Variants in FAM169A observed in about 807,000 individuals in gnomAD.
The protein encoded by FAM169A is family with sequence similarity 169 member A, also known as soluble lamin-associated protein of 75 kDa.
FAM169A carries 24 observed loss-of-function variants against 75.7 expected under a neutral mutation model. That is an observed-to-expected ratio of 0.32 (90% CI 0.23 to 0.45). The LOEUF (loss-of-function observed/expected upper bound fraction) is 0.45. FAM169A is among the 20% of genes least tolerant of loss of function. FAM169A has a pLI of 1.00. For missense variants in FAM169A, 673 were observed against 784.0 expected (o/e 0.86, Z 1.69); for synonymous variants, 271 against 271.0 (o/e 1.00, Z 0.00).
At position 74,795,127 on chromosome 5, in the gene FAM169A, G is replaced by A. The variant is rs562404079; in HGVS notation, c.1260+903C>T. On this transcript the variant is annotated intron_variant, in intron 11 of 12. Transcript: ENST00000687041. ...ACAAAAATTAGCTGGGTATGGTGGG[G>A]GGAACCTGTAATCCCAGCTACTTGG... 9.1e-4 allele frequency among the ~76,000 whole-genome samples: 139 copies of A among 152,048 alleles called. 2 individuals carry two copies. The highest frequency in any genetic ancestry group is 3.2e-3 in the African/African-American group (134 of 41,484).
intron 1 of FAM169A, among the ~76,000 whole-genome samples, chr5:74,858,460 A>G (rs1749839264): frequency 6.6e-6 from 1 of 152,208 alleles, no homozygotes; most frequent in South Asian, 2.1e-4. Flanking sequence ...GGAGGCTATT[A>G]TCCTAAAGGA....
chr5:74,807,566 TG>T (rs1182440770), intron 6 of FAM169A, among the ~76,000 whole-genome samples: 1 of 152,240 alleles, frequency 6.6e-6, no homozygotes, highest in Non-Finnish European at 1.5e-5. Context: ...AAGGGCCATT[TG>T]TACATATGCA....
intron 5 of FAM169A, among the ~76,000 whole-genome samples, chr5:74,822,029 T>C (rs888879689): frequency 3.3e-5 from 5 of 152,176 alleles, no homozygotes; most frequent in African/African-American, 7.2e-5. Context: ...TCTTACATGG[T>C]GACTAGCTTC....
intron 1 of FAM169A, chr5:74,865,330 G>A (rs1317684543): frequency 6.6e-6 from 1 of 152,154 alleles, no homozygotes; most frequent in Non-Finnish European, 1.5e-5. Flanking sequence ...CCGTACACAC[G>A]TTTTAATTTA....
chr5:74,829,279 A>G (rs1332007696), intron 5 of FAM169A, among the ~76,000 whole-genome samples: 1 of 152,102 alleles, frequency 6.6e-6, no homozygotes, highest in East Asian at 1.9e-4. Flanking sequence ...AACCATGAAC[A>G]TTTTCTATTA....
intron 7 of FAM169A, 97 bp from the exon 8 acceptor site, chr5:74,804,702 T>C: frequency 1.6e-6 from 1 of 627,838 alleles, no homozygotes; most frequent in South Asian, 2.6e-5. Context: ...AAGAGCAGCC[T>C]GGACAGAAGG....
intron 6 of FAM169A, among the ~76,000 whole-genome samples, chr5:74,805,944 T>C (rs1746854328): frequency 7.2e-6 from 1 of 139,414 alleles, no homozygotes; most frequent in Admixed American, 7.4e-5. Context: ...ATATTCAGTA[T>C]GTACAACTAT....
Position 74,834,558 on chromosome 5 carries a change from T to G in FAM169A, c.358A>C (p.Asn120His). The stretch of plus-strand genomic sequence containing the variant: ...TCCTGTTTTCTATAAATAATTCGAT[T>G]CAGAACATACAGAACCACTCTCTCC... ...LGERVVLYVL[N>H]RIIYRKQEME... Residue 120 changes from asparagine (N) to histidine (H), a missense_variant, in exon 5 of 13, where the codon AAT (asparagine) becomes CAT (histidine). Transcript: ENST00000687041. The G allele has an allele frequency of 6.2e-7, 1 of 1,601,176 alleles. No individual in the cohort carries two copies. Among genetic ancestry groups the G allele is most frequent in the Non-Finnish European group, 8.5e-7 (1 of 1,174,888 alleles).
intron 4 of FAM169A, among the ~76,000 whole-genome samples, chr5:74,835,788 C>T (rs1353722318): frequency 6.6e-6 from 1 of 152,130 alleles, no homozygotes; most frequent in Non-Finnish European, 1.5e-5. Context: ...AGCCGACTAG[C>T]AATAGCTTCC....
At chr5:74,858,156 G>C (rs979590783) in intron 1 of FAM169A, among the ~76,000 whole-genome samples, 33 of 151,656 alleles carry the variant, frequency 2.2e-4, no homozygotes, top group Non-Finnish European at 4.0e-4. Flanking sequence ...GGGAGGCCAA[G>C]GCAGGCAGGT....
At chr5:74,844,150 T>C (rs1749026248) in intron 1 of FAM169A, among the ~76,000 whole-genome samples, 3 of 152,194 alleles carry the variant, frequency 2.0e-5, no homozygotes, top group Non-Finnish European at 4.4e-5. Flanking sequence ...CCGGATTTAT[T>C]TACTCTTGAA....
intron 1 of FAM169A, among the ~76,000 whole-genome samples, chr5:74,857,413 T>C (rs1049882466): frequency 4.6e-5 from 7 of 151,210 alleles, no homozygotes; most frequent in Admixed American, 2.0e-4. Context: ...TTACAGGCCA[T>C]GGTGGTACGC....
chr5:74,846,288 T>C (rs1036497200), intron 1 of FAM169A, among the ~76,000 whole-genome samples: 2 of 152,202 alleles, frequency 1.3e-5, no homozygotes, highest in African/African-American at 2.4e-5. Flanking sequence ...TTTCATTTAC[T>C]AAGAGCAATT....
intron 1 of FAM169A, among the ~76,000 whole-genome samples, chr5:74,861,145 AAC>A (rs1267316986): frequency 6.6e-6 from 1 of 152,194 alleles, no homozygotes; most frequent in African/African-American, 2.4e-5. Flanking sequence ...CAAAAATAAA[AAC>A]AGTCTAATAA....
chr5:74,843,379 T>C (rs1748983444), intron 1 of FAM169A, among the ~76,000 whole-genome samples: 1 of 152,144 alleles, frequency 6.6e-6, no homozygotes, highest in Admixed American at 6.5e-5. Context: ...TAAAATTAAT[T>C]TGAAAGAACA....
At chr5:74,849,871 A>T (rs879598862) in intron 1 of FAM169A, among the ~76,000 whole-genome samples, 2 of 152,244 alleles carry the variant, frequency 1.3e-5, no homozygotes, top group Non-Finnish European at 2.9e-5. Context: ...AAAATCTCAG[A>T]TGGGCCTCAA....
chr5:74,839,128 A>G (rs1329644479), intron 3 of FAM169A, 78 bp from the exon 4 acceptor site: 3 of 976,320 alleles, frequency 3.1e-6, no homozygotes, highest in Admixed American at 3.5e-5. Context: ...ATTGTACTAT[A>G]AAGTATCCAT....
intron 1 of FAM169A, among the ~76,000 whole-genome samples, chr5:74,856,649 A>C (rs530360793): frequency 2.0e-5 from 3 of 152,192 alleles, no homozygotes; most frequent in South Asian, 4.1e-4. Flanking sequence ...ACAAAAAAGA[A>C]GACCTTGAGA....
chr5:74,786,272 C>A (rs777001165), intron 11 of FAM169A, among the ~76,000 whole-genome samples: 14 of 152,294 alleles, frequency 9.2e-5, no homozygotes, highest in Middle Eastern at 6.8e-3. Context: ...TTTATATATA[C>A]ATCTGTCCTA....
Sources: gnomAD v4.1 joint callset for allele counts (sites outside exome capture counted in the v4.1 genomes callset) on GRCh38, gnomAD v4.1.1 for gene constraint, MANE v1.5 for transcripts, NCBI Gene and HGNC (gene_info 2026-07-23, HGNC 2026-07-21) for gene names.